The following PRH1 variants were observed in gnomAD, a reference collection of about 807,000 sequenced individuals.
PRH1 encodes the protein salivary acidic proline-rich phosphoprotein 1/2.
PRH1 carries 7 observed loss-of-function variants against 7.9 expected under a neutral mutation model. The ratio of observed to expected loss-of-function variants is 0.89; its 90% CI spans 0.50 to 1.67. The LOEUF (loss-of-function observed/expected upper bound fraction) is 1.67. PRH1 is among the 40% of genes most tolerant of loss of function. PRH1 has a pLI of 0.00. For missense variants in PRH1, 109 were observed against 223.6 expected, an observed-to-expected ratio of 0.49 and a Z score of 3.27; for synonymous variants, 45 against 80.8, an observed-to-expected ratio of 0.56 and a Z score of 2.38.
At chr12:10,893,439 T>C (rs1301446518) in intron 2 of PRH1, among the ~76,000 whole-genome samples, 1 of 152,242 alleles carries the variant, frequency 6.6e-6, no homozygotes, top group Non-Finnish European at 1.5e-5. Context: ...AGGCCTCCTA[T>C]ATTTTTATTT....
rs578117298 is a variant in PRH1 at position 10,995,874 on chromosome 12, T to G, written c.-125-22153A>C. On this transcript the variant is annotated intron_variant, in intron 1 of 3. Coordinates refer to the PRH1 transcript ENST00000539853. ...TGTTTCTTCATCCTTTTTATAGAAA[T>G]GATTTTTTCTAAGCTATTAACATAC... 1.2e-4 allele frequency among the ~76,000 whole-genome samples: 19 copies of G among 152,232 alleles called. No homozygotes were observed. The South Asian group carries it at 3.7e-3, about 30-fold the overall frequency.
At chr12:11,160,632 A>C (rs1947385961) in intron 1 of PRH1, among the ~76,000 whole-genome samples, 1 of 151,840 alleles carries the variant, frequency 6.6e-6, no homozygotes, top group East Asian at 1.9e-4. Context: ...CACCACGCCC[A>C]GCTGATTTTT....
chr12:10,896,338 T>C (rs1313862447), intron 2 of PRH1, among the ~76,000 whole-genome samples: 1 of 152,228 alleles, frequency 6.6e-6, no homozygotes, highest in Non-Finnish European at 1.5e-5. Flanking sequence ...ATGCAGTATA[T>C]ATTTAGAGTT....
At chr12:11,038,663 C>T (rs369335324) in intron 1 of PRH1, among the ~76,000 whole-genome samples, 13 of 152,236 alleles carry the variant, frequency 8.5e-5, no homozygotes, top group African/African-American at 2.9e-4. Context: ...TATAAGTATG[C>T]CACAATTTGT....
At chr12:10,979,534 G>C (rs1412009942) in intron 1 of PRH1, among the ~76,000 whole-genome samples, 1 of 152,168 alleles carries the variant, frequency 6.6e-6, no homozygotes, top group Admixed American at 6.5e-5. Context: ...AATGATTATA[G>C]GACTTCGTAA....
chr12:11,126,390 T>C (rs1366831047), intron 1 of PRH1, among the ~76,000 whole-genome samples: 1 of 150,902 alleles, frequency 6.6e-6, no homozygotes, highest in Non-Finnish European at 1.5e-5. Flanking sequence ...ATCTCTCGTA[T>C]CTATGTAGTG....
rs1265215881 is a variant in PRH1, at chr12:11,040,847, T to TTTGC, written c.-126+6169_-126+6172dup. On this transcript the variant is annotated intron_variant, in intron 1 of 3. Coordinates refer to the PRH1 transcript ENST00000539853. ...TTTGTTTTGTTTTTGTGCTTGTTTGTTTGCTTATGTAAACAGTACTAAGTG... is the reference window on the plus strand; with the variant it reads ...TTTGTTTTGTTTTTGTGCTTGTTTGTTTGCTTGCTTATGTAAACAGTACTAAGTG... 2.6e-5 allele frequency among the ~76,000 whole-genome samples: 4 copies of TTTGC among 152,330 alleles called. No individual in the cohort carries two copies. In the East Asian group the frequency reaches 7.7e-4, roughly 29 times the overall value.
intron 1 of PRH1, among the ~76,000 whole-genome samples, chr12:11,052,331 G>A (rs1003619437): frequency 2.4e-4 from 37 of 152,220 alleles, no homozygotes; most frequent in Non-Finnish European, 2.4e-4. Context: ...GAAACACACT[G>A]AAGACATGAT....
intron 1 of PRH1, among the ~76,000 whole-genome samples, chr12:11,056,094 A>C (rs1294480179): frequency 7.8e-6 from 1 of 128,406 alleles, no homozygotes; most frequent in African/African-American, 2.7e-5. Context: ...TAATTTTCTT[A>C]CTTGGGCTTT....
intron 2 of PRH1, among the ~76,000 whole-genome samples, chr12:10,950,362 C>T (rs74946391): frequency 0.02 from 3,008 of 152,006 alleles, 35 homozygotes; most frequent in South Asian, 0.032. Flanking sequence ...GTGCCTCATG[C>T]CCTTTTCAAA....
chr12:10,930,549 G>A lies in PRH1; in HGVS notation c.-59+43106C>T, dbSNP rs191674512. 2.6e-6 allele frequency: 4 copies of A among 1,544,708 alleles called. No homozygotes were observed. The African/African-American group carries it at 5.5e-5, about 21-fold the overall frequency. On this transcript the variant is annotated intron_variant, in intron 2 of 3. Transcript: ENST00000539853. ...GCCTTGGGAAGGGGGGAGGTTGGGA[G>A]TTGAGAGGCAGGTCAGGGAGAGAGG...
intron 1 of PRH1, among the ~76,000 whole-genome samples, chr12:11,019,045 G>A (rs555351159): frequency 8.1e-4 from 124 of 152,376 alleles, no homozygotes; most frequent in African/African-American, 1.3e-3. Context: ...GGGGGTATTG[G>A]TTAGTGTGAC....
intron 1 of PRH1, among the ~76,000 whole-genome samples, chr12:11,000,107 G>A (rs1389656942): frequency 1.3e-5 from 2 of 152,026 alleles, no homozygotes; most frequent in Non-Finnish European, 2.9e-5. Context: ...TATCCTCACA[G>A]ACATAGAAAA....
intron 1 of PRH1, among the ~76,000 whole-genome samples, chr12:11,121,768 A>C (rs1945913192): frequency 6.8e-6 from 1 of 147,856 alleles, no homozygotes; most frequent in Non-Finnish European, 1.5e-5. Flanking sequence ...AACAACATAA[A>C]ATAAGAATTC....
chr12:11,028,544 G>C (rs1942031124), intron 1 of PRH1, among the ~76,000 whole-genome samples: 1 of 152,070 alleles, frequency 6.6e-6, no homozygotes, highest in African/African-American at 2.4e-5. Flanking sequence ...TTCAATAACA[G>C]GTATTACATT....
intron 1 of PRH1, among the ~76,000 whole-genome samples, chr12:11,012,670 C>A (rs1359291730): frequency 6.6e-6 from 1 of 152,086 alleles, no homozygotes; most frequent in Non-Finnish European, 1.5e-5. Flanking sequence ...GATCCTCCCA[C>A]CTCAGCTTCT....
intron 2 of PRH1, among the ~76,000 whole-genome samples, chr12:10,934,254 A>G (rs1950254546): frequency 2.0e-5 from 3 of 152,126 alleles, no homozygotes; most frequent in Admixed American, 1.3e-4. Flanking sequence ...TCTTCACCAC[A>G]AGAGTTTGCA....
downstream of PRH1, among the ~76,000 whole-genome samples, chr12:11,118,171 G>A (rs1190201585): frequency 2.0e-5 from 3 of 152,140 alleles, no homozygotes; most frequent in East Asian, 1.9e-4. Context: ...TACTCATCTG[G>A]CAAGGGATTA....
chr12:11,065,459 A>C (rs558864041), intron 1 of PRH1, among the ~76,000 whole-genome samples: 16 of 85,486 alleles, frequency 1.9e-4, no homozygotes, highest in Non-Finnish European at 2.6e-4. Flanking sequence ...TGTAGCTTCA[A>C]TGTCTCTGAC....
Sources: gnomAD v4.1 joint callset for allele counts (sites outside exome capture counted in the v4.1 genomes callset) on GRCh38, gnomAD v4.1.1 for gene constraint, MANE v1.5 for transcripts, NCBI Gene and HGNC (gene_info 2026-07-23, HGNC 2026-07-21) for gene names.